The following TICRR variants were observed in gnomAD, a reference collection of about 807,000 sequenced individuals.
TICRR encodes the protein TOPBP1 interacting checkpoint and replication regulator.
TICRR carries 132 observed loss-of-function variants against 178.1 expected under a neutral mutation model. The observed-to-expected ratio is 0.74, with a 90% CI of 0.64 to 0.86. The LOEUF (loss-of-function observed/expected upper bound fraction) is 0.86, where lower values mean the gene tolerates loss of function less well. Among genes scored for constraint, TICRR ranks in the 40% least tolerant of loss-of-function variants. TICRR has a pLI of 0.00. For synonymous variants in TICRR, 991 were observed against 900.7 expected, an observed-to-expected ratio of 1.10 and a Z score of -1.79; for missense variants, 2,587 against 2,334.3, an observed-to-expected ratio of 1.11 and a Z score of -2.23.
chr15:89,611,457 ATCTCTT>A (rs1013755942), intron 15 of TICRR, among the ~76,000 whole-genome samples: 4 of 152,076 alleles, frequency 2.6e-5, no homozygotes, highest in African/African-American at 9.7e-5. Flanking sequence ...CTCAGTGTGA[ATCTCTT>A]AGAGTTTATT....
At chr15:89,590,343 T>C (rs1488976556) in intron 4 of TICRR, among the ~76,000 whole-genome samples, 1 of 152,238 alleles carries the variant, frequency 6.6e-6, no homozygotes. Flanking sequence ...AGCAACGTAA[T>C]ATTTTGTACT....
chr15:89,579,547 T>C (rs1291149458), intron 1 of TICRR, among the ~76,000 whole-genome samples: 2 of 152,110 alleles, frequency 1.3e-5, no homozygotes, highest in African/African-American at 4.8e-5. Flanking sequence ...GGTTTCACCA[T>C]GTTTGCTAGG....
At chr15:89,623,541 T>A in intron 19 of TICRR, 82 bp from the exon 20 acceptor site, 1 of 1,345,706 alleles carries the variant, frequency 7.4e-7, no homozygotes, top group Non-Finnish European at 1.0e-6. Flanking sequence ...AAATCTCCCA[T>A]TTGGTCTTAG....
chr15:89,584,947 TTGTC>T lies in TICRR; in HGVS notation c.1176+424_1176+427del, dbSNP rs529479029. Among the ~76,000 whole-genome samples, 48 of 152,338 alleles carry T rather than the reference TTGTC, an allele frequency of 3.2e-4. No homozygotes were observed. In the South Asian group the frequency reaches 4.1e-3, roughly 13 times the overall value. On this transcript the variant is annotated intron_variant, in intron 3 of 21. Transcript: ENST00000268138. ...TGTAACTATATACAATGTAATATAATTGTCTGTGTAACTCAGCAGTTGGACAGTA... is the reference window on the plus strand; with the variant it reads ...TGTAACTATATACAATGTAATATAATTGTGTAACTCAGCAGTTGGACAGTA...
chr15:89,607,347 G>A (rs1963190178), intron 14 of TICRR, among the ~76,000 whole-genome samples: 1 of 152,172 alleles, frequency 6.6e-6, no homozygotes, highest in Admixed American at 6.5e-5. Context: ...CCTTTAGGAA[G>A]TGAACAGTTG....
rs200319520 is a variant in TICRR at position 89,594,510 on chromosome 15, G to C, written c.1637G>C (p.Arg546Pro). The part of the protein sequence containing the change: ...CLAELYQRKS[R>P]EESTIAHQED... ...GCCGAGCTCTACCAGAGAAAATCTCGTGAAGAATCCACTATAGCTCATCAA... is the reference window on the plus strand; with the variant it reads ...GCCGAGCTCTACCAGAGAAAATCTCCTGAAGAATCCACTATAGCTCATCAA... Residue 546 changes from arginine (R) to proline (P), a missense_variant, in exon 6 of 22, where the codon CGT becomes CCT. Arg to Pro is a moderately radical substitution (Grantham distance 103, BLOSUM62 -2). Coordinates refer to ENST00000268138, the MANE Select transcript of TICRR (RefSeq NM_152259.4). 3.2e-5 allele frequency: 52 copies of C among 1,613,152 alleles called. No individual in the cohort carries two copies. Among genetic ancestry groups the C allele is most frequent in the Non-Finnish European group, 4.1e-5 (48 of 1,179,562 alleles).
At chr15:89,580,381 G>T (rs16943353) in intron 1 of TICRR, among the ~76,000 whole-genome samples, 45,077 of 152,004 alleles carry the variant, frequency 0.3, 6,855 homozygotes, top group South Asian at 0.38. Context: ...TTGTTTTCCT[G>T]GCTGGTCTTC....
intron 19 of TICRR, among the ~76,000 whole-genome samples, chr15:89,622,909 G>C (rs1414310399): frequency 6.6e-6 from 1 of 152,172 alleles, no homozygotes; most frequent in African/African-American, 2.4e-5. Flanking sequence ...GTTCTGTGAT[G>C]CCCCTCGCAT....
chr15:89,617,689 C>CTTTTT (rs35732953), intron 16 of TICRR, among the ~76,000 whole-genome samples: 4 of 98,770 alleles, frequency 4.0e-5, no homozygotes, highest in African/African-American at 1.1e-4. Context: ...ACCCAGCTAT[C>CTTTTT]TTTTTTTTTT....
chr15:89,601,956 C>T lies in TICRR; in HGVS notation c.2547C>T (p.Thr849=). Residue 849 remains threonine, a synonymous_variant, in exon 12 of 22, where the codon ACC becomes ACT. Transcript: ENST00000268138. The part of the protein sequence containing the change: ...PESDELQELR[T]RSAKKRRKNA... ...CTGATGAACTGCAGGAACTTCGTAC[C>T]AGATCAGCCAAGAAGAGAAGGTAAG... 1 of 1,614,114 alleles carries T rather than the reference C, an allele frequency of 6.2e-7. No individual in the cohort carries two copies. Among genetic ancestry groups the T allele is most frequent in the Non-Finnish European group, 8.5e-7 (1 of 1,180,008 alleles).
chr15:89,601,021 G>A (rs1332263121), intron 9 of TICRR, among the ~76,000 whole-genome samples: 2 of 141,142 alleles, frequency 1.4e-5, no homozygotes, highest in African/African-American at 2.7e-5. Flanking sequence ...ACTCTAGCCT[G>A]GGCAACAGAG....
intron 5 of TICRR, among the ~76,000 whole-genome samples, chr15:89,593,835 T>C (rs533556826): frequency 1.3e-5 from 2 of 152,348 alleles, no homozygotes; most frequent in East Asian, 1.9e-4. Context: ...TTATATCAGA[T>C]AATGGAAAAT....
At chr15:89,599,173 C>CCCGCCCCCA in intron 7 of TICRR, 151 bp from the exon 8 acceptor site, 1 of 605,710 alleles carries the variant, frequency 1.7e-6, no homozygotes, top group East Asian at 2.9e-5. Flanking sequence ...AGCAGCCACC[C>CCCGCCCCCA]CCGCCCCCAC....
At position 89,588,679 on chromosome 15, in the gene TICRR, G is replaced by A. The variant is rs114035553; in HGVS notation, c.1411+2737G>A. ...GACTGAAGGAGGGCAACACGCTGGG[G>A]CACCAGAGGTGAGGAATTCAAGGGG... On this transcript the variant is annotated intron_variant, in intron 4 of 21. Transcript: ENST00000268138. 8.3e-3 allele frequency among the ~76,000 whole-genome samples: 1,268 copies of A among 152,214 alleles called. 18 individuals carry two copies. Among genetic ancestry groups the A allele is most frequent in the African/African-American group, 0.028 (1,165 of 41,512 alleles).
At chr15:89,584,222 G>T in intron 2 of TICRR, 64 bp from the exon 3 acceptor site, 2 of 1,439,244 alleles carry the variant, frequency 1.4e-6, no homozygotes, top group Non-Finnish European at 1.9e-6. Flanking sequence ...TCCTTATATT[G>T]GAATTTTAAT....
At chr15:89,585,567 A>C (rs1962806325) in intron 3 of TICRR, 141 bp from the exon 4 acceptor site, 6 of 660,960 alleles carry the variant, frequency 9.1e-6, no homozygotes, top group Admixed American at 2.7e-5. Context: ...TTCTACCTCT[A>C]TTAATGATCA....
At position 89,619,221 on chromosome 15, in the gene TICRR, C is replaced by CTTTTTTTTT. The variant is rs386383750; in HGVS notation, c.3020-476_3020-468dup. 6.1e-4 allele frequency among the ~76,000 whole-genome samples: 68 copies of CTTTTTTTTT among 111,974 alleles called. 2 individuals are homozygous for CTTTTTTTTT. Among genetic ancestry groups the CTTTTTTTTT allele is most frequent in the African/African-American group, 1.7e-3 (47 of 28,476 alleles). The allele number at this position is 111,974 out of a possible 152,430, so 73.5% of individuals were successfully genotyped here. The stretch of plus-strand genomic sequence containing the variant: ...CTTGTTTTCGCCCTACACCATTCTT[C>CTTTTTTTTT]TTTTTTTTTTTTTTTTTTTGGTGAG... On this transcript the variant is annotated intron_variant, in intron 17 of 21. Transcript: ENST00000268138.
In TICRR at chr15:89,625,941, A is replaced by G. The variant is rs1235485761; in HGVS notation, c.5482A>G (p.Thr1828Ala). Reference protein sequence around the residue: ...GDEEVFVSGSTPPPSCAVRSC... With the variant: ...GDEEVFVSGSAPPPSCAVRSC... Reference sequence around the variant, plus strand: ...ACTATGTGGGATCTCTTTAGGCTCCACCCCACCTCCCAGCTGTGCCGTGCG... The same window carrying G: ...ACTATGTGGGATCTCTTTAGGCTCCGCCCCACCTCCCAGCTGTGCCGTGCG... The change falls in exon 21 of 22, where the codon ACC (threonine) becomes GCC (alanine). Residue 1828 changes from threonine (T) to alanine (A), a missense_variant. Thr to Ala is a moderately conservative substitution (Grantham distance 58). Coordinates refer to ENST00000268138, the MANE Select transcript of TICRR (RefSeq NM_152259.4). 6.4e-7 allele frequency: 1 copy of G among 1,572,530 alleles called. No homozygotes were observed.
In TICRR at chr15:89,625,001, A is replaced by G. The variant is rs1963492958; in HGVS notation, c.4691A>G (p.Glu1564Gly). 1 of 1,614,082 alleles carries G rather than the reference A, an allele frequency of 6.2e-7. No homozygotes were observed. Residue 1564 changes from glutamate to glycine, a missense_variant, in exon 20 of 22, where the codon GAG (glutamate) becomes GGG (glycine). Physicochemically the swap from Glu to Gly is moderately conservative, Grantham distance 98. Coordinates refer to ENST00000268138, the MANE Select transcript of TICRR (RefSeq NM_152259.4). The part of the protein sequence containing the change: ...ASPQTYEVEL[E>G]MQASGLPKLR... ...CCACAGACCTATGAGGTTGAGCTGG[A>G]GATGCAAGCTTCTGGCCTTCCCAAA...
Sources: gnomAD v4.1 joint callset for allele counts (sites outside exome capture counted in the v4.1 genomes callset) on GRCh38, gnomAD v4.1.1 for gene constraint, MANE v1.5 for transcripts, NCBI Gene and HGNC (gene_info 2026-07-23, HGNC 2026-07-21) for gene names.